Variants in POU6F2 observed in about 807,000 individuals in gnomAD.
POU6F2 encodes POU domain, class 6, transcription factor 2.
A neutral mutation model predicts 71.3 loss-of-function variants in POU6F2; 31 were observed. The observed-to-expected ratio is 0.43, with a 90% CI of 0.33 to 0.59. POU6F2 has a LOEUF of 0.59. Ranked by LOEUF, POU6F2 falls within the 20% of genes least tolerant of loss-of-function variation. The pLI is 0.04. For missense variants in POU6F2, 783 were observed against 856.8 expected, an observed-to-expected ratio of 0.91 and a Z score of 1.07; for synonymous variants, 347 against 355.7, an observed-to-expected ratio of 0.98 and a Z score of 0.27.
intron 5 of POU6F2, among the ~76,000 whole-genome samples, chr7:39,388,575 C>G (rs1306378037): frequency 6.6e-6 from 1 of 152,172 alleles, no homozygotes; most frequent in Admixed American, 6.5e-5. Context: ...CTCGGCCTCC[C>G]AAAGTGCTGG....
At chr7:39,170,358 C>T (rs1793194892) in intron 2 of POU6F2, among the ~76,000 whole-genome samples, 1 of 152,086 alleles carries the variant, frequency 6.6e-6, no homozygotes, top group Non-Finnish European at 1.5e-5. Context: ...GAATCCTTTG[C>T]AAACTACATG....
At chr7:39,034,483 G>A in intron 1 of POU6F2, 2 of 439,818 alleles carry the variant, frequency 4.5e-6, no homozygotes, top group South Asian at 3.2e-5. Flanking sequence ...GGAGACAATG[G>A]CATGGACTGT....
chr7:39,197,161 C>G lies in POU6F2; in HGVS notation c.278-7074C>G, dbSNP rs1258968340. On this transcript the variant is annotated intron_variant, in intron 2 of 9. Coordinates refer to ENST00000518318, the MANE Select transcript of POU6F2 (RefSeq NM_001370959.1). ...TCACCTCCCCAGGACAGGACGGGCT[C>G]TGGCTGCCCACTCTCTGCCCCTGGA... Among the ~76,000 whole-genome samples the G allele has an allele frequency of 2.7e-4, 41 of 152,208 alleles. 1 individual carries two copies. The highest frequency in any genetic ancestry group is 2.7e-3 in the Admixed American group (41 of 15,286).
At chr7:39,023,335 A>T (rs1473466293) in intron 1 of POU6F2, among the ~76,000 whole-genome samples, 2 of 152,026 alleles carry the variant, frequency 1.3e-5, no homozygotes, top group Non-Finnish European at 2.9e-5. Context: ...TTTAATTTTG[A>T]TAACATTCAT....
At chr7:39,327,850 G>A (rs1280073346) in intron 4 of POU6F2, among the ~76,000 whole-genome samples, 1 of 147,320 alleles carries the variant, frequency 6.8e-6, no homozygotes, top group East Asian at 2.0e-4. Flanking sequence ...GCATTAGTTT[G>A]TGTCAAAAAA....
chr7:39,129,437 C>T (rs1231971865), intron 2 of POU6F2, among the ~76,000 whole-genome samples: 5 of 152,138 alleles, frequency 3.3e-5, no homozygotes, highest in African/African-American at 9.7e-5. Flanking sequence ...TAACTGATTC[C>T]TCTCTTCTCA....
intron 2 of POU6F2, among the ~76,000 whole-genome samples, chr7:39,101,932 A>G (rs4723821): frequency 0.26 from 39,577 of 152,092 alleles, 5,463 homozygotes; most frequent in East Asian, 0.56. Flanking sequence ...TCACTCTAAG[A>G]CTTTCTTTAC....
chr7:39,145,204 G>C (rs543076798), intron 2 of POU6F2, among the ~76,000 whole-genome samples: 56 of 152,274 alleles, frequency 3.7e-4, no homozygotes, highest in South Asian at 2.9e-3. Flanking sequence ...AAAACAAAGA[G>C]TTTATTTCCT....
At chr7:39,231,474 C>A (rs1794572924) in intron 4 of POU6F2, among the ~76,000 whole-genome samples, 1 of 152,212 alleles carries the variant, frequency 6.6e-6, no homozygotes, top group East Asian at 1.9e-4. Flanking sequence ...TAATTATACC[C>A]TTTTATATAT....
chr7:39,146,945 A>C (rs1428058383), intron 2 of POU6F2, among the ~76,000 whole-genome samples: 1 of 152,160 alleles, frequency 6.6e-6, no homozygotes, highest in Non-Finnish European at 1.5e-5. Context: ...TTAAAAATAT[A>C]TAATATTATC....
intron 5 of POU6F2, among the ~76,000 whole-genome samples, chr7:39,403,333 C>A (rs1187727905): frequency 1.3e-5 from 2 of 152,222 alleles, no homozygotes; most frequent in African/African-American, 4.8e-5. Flanking sequence ...TTGTATACAA[C>A]ATAAGAACTC....
chr7:39,098,440 A>AT (rs75448716), intron 2 of POU6F2, among the ~76,000 whole-genome samples: 22,801 of 144,766 alleles, frequency 0.16, 1,889 homozygotes, highest in African/African-American at 0.22. Flanking sequence ...CACTCAGCTA[A>AT]TTTTTTTTTT....
chr7:39,167,900 G>C (rs1247707379), intron 2 of POU6F2, among the ~76,000 whole-genome samples: 1 of 151,690 alleles, frequency 6.6e-6, no homozygotes, highest in Non-Finnish European at 1.5e-5. Context: ...TTGGCTTTTA[G>C]GTTTTGGCTT....
intron 4 of POU6F2, among the ~76,000 whole-genome samples, chr7:39,257,401 AATCT>A (rs1012307904): frequency 2.6e-5 from 4 of 152,194 alleles, no homozygotes; most frequent in Admixed American, 6.5e-5. Context: ...AGGGAAAAAA[AATCT>A]TCTTGTTACA....
chr7:39,248,423 C>T (rs953610116), intron 4 of POU6F2, among the ~76,000 whole-genome samples: 3 of 152,190 alleles, frequency 2.0e-5, no homozygotes, highest in Non-Finnish European at 2.9e-5. Context: ...CTGCCCCCAT[C>T]GCCTTTCCCC....
At chr7:39,230,792 A>G (rs1054571091) in intron 4 of POU6F2, among the ~76,000 whole-genome samples, 4 of 152,228 alleles carry the variant, frequency 2.6e-5, no homozygotes, top group African/African-American at 9.6e-5. Context: ...ATAGACACAC[A>G]CTTTTCTGTG....
At chr7:39,425,065 G>A (rs1440593246) in intron 6 of POU6F2, among the ~76,000 whole-genome samples, 1 of 152,070 alleles carries the variant, frequency 6.6e-6, no homozygotes, top group Non-Finnish European at 1.5e-5. Flanking sequence ...GAGGTTTGCT[G>A]CTCATGGGCT....
intron 6 of POU6F2, among the ~76,000 whole-genome samples, chr7:39,414,738 AAG>A (rs1787636956): frequency 6.7e-6 from 1 of 148,824 alleles, no homozygotes; most frequent in African/African-American, 2.5e-5. Flanking sequence ...TCTGAAATGA[AAG>A]AGTTATCAAT....
intron 4 of POU6F2, among the ~76,000 whole-genome samples, chr7:39,302,240 T>C (rs1280388448): frequency 6.6e-6 from 1 of 152,200 alleles, no homozygotes; most frequent in Admixed American, 6.5e-5. Context: ...CTAAGGACTC[T>C]TAAAAAAGAG....
Sources: gnomAD v4.1 joint callset for allele counts (sites outside exome capture counted in the v4.1 genomes callset) on GRCh38, gnomAD v4.1.1 for gene constraint, MANE v1.5 for transcripts, NCBI Gene and HGNC (gene_info 2026-07-23, HGNC 2026-07-21) for gene names.